The following DNAJC17 variants were observed in gnomAD, a reference collection of about 807,000 sequenced individuals.
The protein encoded by DNAJC17 is dnaJ homolog subfamily C member 17.
Under a neutral mutation model 48.1 loss-of-function variants are expected in DNAJC17, and 35 were observed. That is an observed-to-expected ratio of 0.73 (90% CI 0.56 to 0.96). The LOEUF (loss-of-function observed/expected upper bound fraction) is 0.96, where lower values mean the gene tolerates loss of function less well. DNAJC17 is among the 50% of genes least tolerant of loss of function. The pLI is 0.00. For synonymous variants in DNAJC17, 117 were observed against 142.7 expected, an observed-to-expected ratio of 0.82 and a Z score of 1.28; for missense variants, 355 against 377.1, an observed-to-expected ratio of 0.94 and a Z score of 0.48.
At chr15:40,776,988 C>T in intron 4 of DNAJC17, 1 of 224,484 alleles carries the variant, frequency 4.5e-6, no homozygotes, top group South Asian at 7.5e-5. Context: ...GGTTTGGCAC[C>T]ACAGCTTGAC....
intron 1 of DNAJC17, chr15:40,807,112 G>C: frequency 2.4e-6 from 2 of 827,114 alleles, no homozygotes; most frequent in Non-Finnish European, 3.7e-6. Flanking sequence ...TCGCCCCGCG[G>C]CCTCTAGGAG....
intron 1 of DNAJC17, among the ~76,000 whole-genome samples, chr15:40,797,645 TG>T (rs1156616816): frequency 6.6e-6 from 1 of 150,672 alleles, no homozygotes; most frequent in Non-Finnish European, 1.5e-5. Flanking sequence ...CTCCTGACCT[TG>T]GGTGATGCAC....
chr15:40,791,601 T>C (rs758289328), intron 1 of DNAJC17, among the ~76,000 whole-genome samples: 1 of 151,830 alleles, frequency 6.6e-6, no homozygotes, highest in Non-Finnish European at 1.5e-5. Context: ...TCCCAGCACT[T>C]TGGGAGGCTG....
At chr15:40,793,250 A>G (rs1364713311) in intron 1 of DNAJC17, among the ~76,000 whole-genome samples, 2 of 152,148 alleles carry the variant, frequency 1.3e-5, no homozygotes, top group Non-Finnish European at 2.9e-5. Flanking sequence ...GATCTTGCAT[A>G]AAAACACCAG....
chr15:40,770,641 GA>G lies in DNAJC17; in HGVS notation c.793-2580del. On this transcript the variant is annotated intron_variant, in intron 10 of 10. Coordinates refer to ENST00000220496, the MANE Select transcript of DNAJC17 (RefSeq NM_018163.3). The surrounding 1 kb of genome is among the most constrained non-coding windows in gnomAD (Gnocchi z 5.0). ...GGGGACCACGAGGAGTACAGCAACC[GA>G]GAAGTCATCCGGGAGCTACAAGGGA... is the stretch of plus-strand genomic sequence containing the variant. 2.6e-6 allele frequency: 4 copies of G among 1,550,300 alleles called. No individual in the cohort carries two copies. Among genetic ancestry groups the G allele is most frequent in the Non-Finnish European group, 3.5e-6 (4 of 1,146,956 alleles).
At chr15:40,791,068 T>C (rs1054278607) in intron 1 of DNAJC17, among the ~76,000 whole-genome samples, 1 of 152,060 alleles carries the variant, frequency 6.6e-6, no homozygotes, top group African/African-American at 2.4e-5. Flanking sequence ...CCGGGTGCGG[T>C]GACTCATGCC....
intron 1 of DNAJC17, among the ~76,000 whole-genome samples, chr15:40,803,909 T>A (rs1890135537): frequency 6.6e-6 from 1 of 151,996 alleles, no homozygotes; most frequent in Non-Finnish European, 1.5e-5. Context: ...TCTGACCCCC[T>A]AGTGGCAGCT....
At chr15:40,784,837 C>T (rs1187178575) in intron 1 of DNAJC17, among the ~76,000 whole-genome samples, 1 of 152,164 alleles carries the variant, frequency 6.6e-6, no homozygotes, top group Admixed American at 6.5e-5. Context: ...TTGGCTTACA[C>T]ATGTAATCCC....
At chr15:40,796,926 A>T (rs962004439) in intron 1 of DNAJC17, among the ~76,000 whole-genome samples, 3 of 151,750 alleles carry the variant, frequency 2.0e-5, no homozygotes, top group Non-Finnish European at 2.9e-5. Flanking sequence ...CAATGAGCTA[A>T]TTTTTTCTTT....
At chr15:40,771,229 G>A in intron 10 of DNAJC17, 2 of 600,380 alleles carry the variant, frequency 3.3e-6, no homozygotes, top group Non-Finnish European at 3.0e-6. Context: ...CCCCAGAGTG[G>A]AGGGACAGAG....
In DNAJC17 at chr15:40,807,442, G is replaced by A. The variant is rs1890279221; in HGVS notation, c.5C>T (p.Ala2Val). Residue 2 changes from alanine (A) to valine (V), a missense_variant, in exon 1 of 11, where the codon GCA becomes GTA. Physicochemically the swap from Ala to Val is moderately conservative, Grantham distance 64. This residue lies in a region of DNAJC17 where 199 missense variants were observed against 199.9 expected (regional missense o/e 1.00). Coordinates refer to ENST00000220496, the MANE Select transcript of DNAJC17 (RefSeq NM_018163.3). ...CATCTGTAAGAGCTCCTTGGTCACTGCCATGGTTCCGGCCTGACGGATTCG... is the reference window on the plus strand; with the variant it reads ...CATCTGTAAGAGCTCCTTGGTCACTACCATGGTTCCGGCCTGACGGATTCG... M[A>V]VTKELLQMDL... The A allele has an allele frequency of 1.2e-6, 2 of 1,614,240 alleles. No individual in the cohort carries two copies. Among genetic ancestry groups the A allele is most frequent in the Non-Finnish European group, 8.5e-7 (1 of 1,180,026 alleles).
rs558310371 is a variant in DNAJC17 at position 40,773,953 on chromosome 15, A to G, written c.682-116T>C. 7.9e-6 allele frequency: 7 copies of G among 888,168 alleles called. No homozygotes were observed. In the East Asian group the frequency reaches 8.1e-5, roughly 10 times the overall value. 55.0% of individuals were successfully genotyped at this position (888,168 alleles called of 1,614,324 possible). Reference sequence around the variant, plus strand: ...TCTAGCCCTCTAAGCAGAGATGCCAACCTCAGCAGCCTTCAAGTGATGGGT... The same window carrying G: ...TCTAGCCCTCTAAGCAGAGATGCCAGCCTCAGCAGCCTTCAAGTGATGGGT... On this transcript the variant is annotated intron_variant, in intron 9 of 10. Coordinates refer to ENST00000220496, the MANE Select transcript of DNAJC17 (RefSeq NM_018163.3).
In DNAJC17 at chr15:40,765,913, A is replaced by T; in HGVS notation, c.*2027T>A. 2 of 1,557,024 alleles carry T rather than the reference A, an allele frequency of 1.3e-6. No individual in the cohort carries two copies. Among genetic ancestry groups the T allele is most frequent in the Non-Finnish European group, 1.8e-6 (2 of 1,138,524 alleles). ...GGGCTTCAAAGAGAAGAGCCTTGGG[A>T]AACAACTTGTAAGTAGCAGCCTCCC... On this transcript the variant is annotated 3_prime_UTR_variant, in exon 11 of 11. Coordinates refer to ENST00000220496, the MANE Select transcript of DNAJC17 (RefSeq NM_018163.3).
chr15:40,781,104 T>C (rs141580834), intron 1 of DNAJC17, among the ~76,000 whole-genome samples: 42 of 144,748 alleles, frequency 2.9e-4, no homozygotes, highest in African/African-American at 1.0e-3. Flanking sequence ...TGAGCCAAGA[T>C]TGTGCCACTA....
chr15:40,780,070 G>C, intron 1 of DNAJC17, 73 bp from the exon 2 acceptor site: 2 of 1,417,470 alleles, frequency 1.4e-6, no homozygotes, highest in East Asian at 2.3e-5. Context: ...TTGCTCAATG[G>C]GTAAGGGGAA....
chr15:40,774,389 A>G lies in DNAJC17; in HGVS notation c.648T>C (p.Thr216=), dbSNP rs200233100. Residue 216 remains threonine, a synonymous_variant, in exon 9 of 11, where the codon ACT becomes ACC. Transcript: ENST00000220496. ...TGACGGTTGCAAACTCCACCACAGC[A>G]GTGCCTGGCTTCTTACTGGAAAGCA... is the stretch of plus-strand genomic sequence containing the variant. The part of the protein sequence containing the change: ...NLVLSSKKPG[T]AVVEFATVKA... 3.5e-5 allele frequency: 56 copies of G among 1,614,092 alleles called. No homozygotes were observed. The East Asian group carries it at 1.2e-3, about 35-fold the overall frequency.
At chr15:40,776,422 C>T in intron 5 of DNAJC17, 120 bp downstream of exon 5, 1 of 1,460,810 alleles carries the variant, frequency 6.8e-7, no homozygotes, top group Non-Finnish European at 9.5e-7. Context: ...GACAAATCAC[C>T]CAGCTCCCAC....
chr15:40,804,140 T>TA (rs1353677660), intron 1 of DNAJC17, among the ~76,000 whole-genome samples: 1 of 144,806 alleles, frequency 6.9e-6, no homozygotes, highest in African/African-American at 2.8e-5. Flanking sequence ...CTTTTTTTTT[T>TA]ATATATAGAG....
At chr15:40,793,018 G>A (rs1313922245) in intron 1 of DNAJC17, among the ~76,000 whole-genome samples, 9 of 149,030 alleles carry the variant, frequency 6.0e-5, no homozygotes, top group Admixed American at 4.8e-4. Flanking sequence ...TCAGCCTCCC[G>A]AGTAGCTGGG....
Sources: allele counts gnomAD v4.1 joint callset (sites outside exome capture counted in the v4.1 genomes callset), GRCh38; gene constraint gnomAD v4.1.1; regional missense constraint gnomAD v4.1.1; non-coding constraint Gnocchi (gnomAD v3.1); transcripts MANE v1.5; gene names NCBI Gene and HGNC (gene_info 2026-07-23, HGNC 2026-07-21).